The following ING5 variants were observed in gnomAD, a reference collection of about 807,000 sequenced individuals.
ING5 encodes inhibitor of growth protein 5.
A neutral mutation model predicts 37.4 loss-of-function variants in ING5; 17 were observed. The observed-to-expected ratio is 0.45, with a 90% confidence interval of 0.31 to 0.68. The LOEUF (loss-of-function observed/expected upper bound fraction) is 0.68, where lower values mean the gene tolerates loss of function less well. ING5 is among the 30% of genes least tolerant of loss of function. The probability of loss-of-function intolerance (pLI) is 0.05; values close to 1 mark genes in which losing one functional copy is unlikely to be tolerated. For missense variants in ING5, 233 were observed against 311.9 expected (o/e 0.75, Z 1.91); for synonymous variants, 123 against 116.6 (o/e 1.06, Z -0.36).
intron 2 of ING5, among the ~76,000 whole-genome samples, chr2:241,705,550 A>G (rs1575123644): frequency 1.3e-5 from 2 of 150,828 alleles, no homozygotes; most frequent in African/African-American, 2.4e-5. Context: ...GTCACATGCC[A>G]CCACACCCAG....
intron 5 of ING5, chr2:241,719,575 C>T: frequency 6.5e-7 from 1 of 1,536,128 alleles, no homozygotes; most frequent in Non-Finnish European, 8.7e-7. Flanking sequence ...AGTGGGACTC[C>T]TCCTGGTCTC....
chr2:241,725,151 T>C lies in ING5; in HGVS notation c.*120T>C. 1 of 1,056,148 alleles carries C rather than the reference T, an allele frequency of 9.5e-7. No individual in the cohort carries two copies. The highest frequency in any genetic ancestry group is 1.5e-6 in the Non-Finnish European group (1 of 689,614). 65.4% of individuals were successfully genotyped at this position (1,056,148 alleles called of 1,614,324 possible). On this transcript the variant is annotated 3_prime_UTR_variant, in exon 8 of 8. Coordinates refer to ENST00000313552, the MANE Select transcript of ING5 (RefSeq NM_032329.6). Reference sequence around the variant, plus strand: ...TGATACTTAGTAACTCCGTGGCCAGTTGAAGCGCTGGATGTTTCCTAGAAC... The same window carrying C: ...TGATACTTAGTAACTCCGTGGCCAGCTGAAGCGCTGGATGTTTCCTAGAAC...
At chr2:241,718,682 G>C (rs1452283356) in intron 5 of ING5, among the ~76,000 whole-genome samples, 1 of 152,088 alleles carries the variant, frequency 6.6e-6, no homozygotes, top group African/African-American at 2.4e-5. Flanking sequence ...CTCCCGATGT[G>C]CTGGGATTAC....
chr2:241,710,091 C>T (rs1462174893), intron 3 of ING5, among the ~76,000 whole-genome samples: 8 of 143,718 alleles, frequency 5.6e-5, no homozygotes, highest in African/African-American at 1.0e-4. Context: ...TACAGGCATG[C>T]AGTAGCCATA....
At chr2:241,690,003 A>G (rs2069525991) in exon 2 of ING5, 1 of 152,118 alleles carries the variant, frequency 6.6e-6, no homozygotes, top group Admixed American at 6.6e-5. Flanking sequence ...GGGGCTGGGC[A>G]AGGCTGCGGT....
At chr2:241,705,957 C>T (rs992752783) in intron 2 of ING5, among the ~76,000 whole-genome samples, 2 of 151,250 alleles carry the variant, frequency 1.3e-5, no homozygotes, top group African/African-American at 4.9e-5. Context: ...ATGCCACCTG[C>T]TGTGCTTATA....
upstream of ING5, among the ~76,000 whole-genome samples, chr2:241,700,826 A>G (rs555892874): frequency 3.6e-4 from 54 of 151,296 alleles, 1 homozygote; most frequent in East Asian, 0.01. Flanking sequence ...TGATTTCGCC[A>G]CGTTGGCCAG....
At chr2:241,710,710 C>G (rs1039058743) in intron 3 of ING5, among the ~76,000 whole-genome samples, 4 of 152,168 alleles carry the variant, frequency 2.6e-5, no homozygotes, top group Non-Finnish European at 5.9e-5. Flanking sequence ...TCCTGAACTC[C>G]CGACCTCAGG....
intron 5 of ING5, among the ~76,000 whole-genome samples, chr2:241,716,922 TAGG>T (rs1424839885): frequency 3.3e-5 from 5 of 152,128 alleles, no homozygotes; most frequent in African/African-American, 9.7e-5. Context: ...TTCATTTAGA[TAGG>T]AGGAATAAGT....
intron 5 of ING5, chr2:241,722,087 G>A: frequency 1.0e-6 from 1 of 985,414 alleles, no homozygotes; most frequent in Non-Finnish European, 1.2e-6. Context: ...TGGGGCAGAG[G>A]TGCCTGAGTA....
intron 4 of ING5, 88 bp from the exon 5 acceptor site, chr2:241,711,869 CCAGCCAGCCTGGGAGACAGAG>C: frequency 9.8e-7 from 1 of 1,020,724 alleles, no homozygotes; most frequent in Non-Finnish European, 1.4e-6. Context: ...CCGCTGCACT[CCAGCCAGCCTGGGAGACAGAG>C]CGAGACCCCT....
At chr2:241,724,152 C>G in intron 7 of ING5, 1 of 890,328 alleles carries the variant, frequency 1.1e-6, no homozygotes, top group Non-Finnish European at 1.4e-6. Flanking sequence ...GTGTTTGAAA[C>G]TCCGGCAGAC....
At chr2:241,722,403 C>T (rs539158546) in intron 5 of ING5, 52 of 985,358 alleles carry the variant, frequency 5.3e-5, no homozygotes, top group South Asian at 3.3e-4. Context: ...ACCAGAACCC[C>T]GGTGCTGTGG....
chr2:241,698,407 T>A (rs2069661892), upstream of ING5, among the ~76,000 whole-genome samples: 1 of 151,696 alleles, frequency 6.6e-6, no homozygotes, highest in Non-Finnish European at 1.5e-5. Flanking sequence ...CCCAGCTAAT[T>A]TGAGGTCTCA....
chr2:241,723,814 A>G, intron 7 of ING5: 1 of 1,595,602 alleles, frequency 6.3e-7, no homozygotes, highest in Non-Finnish European at 8.5e-7. Context: ...AAAAACCTGT[A>G]GTCTGGGCAA....
At chr2:241,723,880 C>A (rs912488915) in intron 7 of ING5, 2 of 1,444,870 alleles carry the variant, frequency 1.4e-6, no homozygotes, top group Non-Finnish European at 1.9e-6. Flanking sequence ...CGTGGTGGTG[C>A]GTGCCTGTGG....
At chr2:241,717,654 T>A (rs143349025) in intron 5 of ING5, among the ~76,000 whole-genome samples, 68 of 152,140 alleles carry the variant, frequency 4.5e-4, no homozygotes, top group African/African-American at 1.5e-3. Flanking sequence ...CTTTCATTGA[T>A]TCTGATGATA....
At chr2:241,707,753 CCT>C (rs2069968060) in intron 2 of ING5, among the ~76,000 whole-genome samples, 2 of 152,244 alleles carry the variant, frequency 1.3e-5, no homozygotes, top group African/African-American at 4.8e-5. Flanking sequence ...ACCAGGTGAA[CCT>C]CTCTGTTGTC....
rs977135544 is a variant in ING5 at position 241,725,292 on chromosome 2, G to A, written c.*261G>A. The A allele has an allele frequency of 6.0e-6, 3 of 500,320 alleles. No homozygotes were observed. Among genetic ancestry groups the A allele is most frequent in the African/African-American group, 2.0e-5 (1 of 50,952 alleles). The allele number at this position is 500,320 out of a possible 1,614,324, so 31.0% of individuals were successfully genotyped here. A position where few individuals can be genotyped will look rare whatever the true frequency, so the allele number is the denominator to read the frequency against. On this transcript the variant is annotated 3_prime_UTR_variant, in exon 8 of 8. Transcript: ENST00000313552. ...AGCATCAGCAGGGACCCCGGCGGAC[G>A]TGGGCGGGCGCGCGTGAGCTCGGGC...
Sources: allele counts gnomAD v4.1 joint callset (sites outside exome capture counted in the v4.1 genomes callset), GRCh38; gene constraint gnomAD v4.1.1; transcripts MANE v1.5; gene names NCBI Gene and HGNC (gene_info 2026-07-23, HGNC 2026-07-21).